Variants in WDR70 observed in about 807,000 individuals in gnomAD.
The protein encoded by WDR70 is WD repeat-containing protein 70.
Under a neutral mutation model 88.6 loss-of-function variants are expected in WDR70, and 53 were observed. That is an observed-to-expected ratio of 0.60 (90% CI 0.48 to 0.75). WDR70 has a LOEUF of 0.75. Among genes scored for constraint, WDR70 ranks in the 30% least tolerant of loss-of-function variants. The pLI is 0.00. For synonymous variants in WDR70, 280 were observed against 270.0 expected, an observed-to-expected ratio of 1.04 and a Z score of -0.36; for missense variants, 610 against 823.2, an observed-to-expected ratio of 0.74 and a Z score of 3.17.
At chr5:37,482,477 C>T (rs559015053) in intron 8 of WDR70, among the ~76,000 whole-genome samples, 2 of 152,284 alleles carry the variant, frequency 1.3e-5, no homozygotes, top group East Asian at 1.9e-4. Context: ...ATAAAACCAT[C>T]AGATCTCATG....
chr5:37,567,728 C>G (rs1241739123), intron 9 of WDR70, among the ~76,000 whole-genome samples: 1 of 151,832 alleles, frequency 6.6e-6, no homozygotes, highest in Non-Finnish European at 1.5e-5. Flanking sequence ...ATTTTTTTAA[C>G]CTTTGAAAGT....
At chr5:37,687,831 C>T in intron 10 of WDR70, 1 of 543,178 alleles carries the variant, frequency 1.8e-6, no homozygotes, top group Non-Finnish European at 3.4e-6. Context: ...GAATCCCACT[C>T]AGGGTAGTGA....
At chr5:37,656,257 G>A (rs1745551898) in intron 10 of WDR70, among the ~76,000 whole-genome samples, 1 of 152,184 alleles carries the variant, frequency 6.6e-6, no homozygotes, top group African/African-American at 2.4e-5. Flanking sequence ...GTTTGCCTGG[G>A]TATCACCAGC....
chr5:37,519,693 G>A (rs1310636509), intron 9 of WDR70, among the ~76,000 whole-genome samples: 4 of 151,842 alleles, frequency 2.6e-5, no homozygotes, highest in East Asian at 1.9e-4. Context: ...ATGGGCGGCC[G>A]GGCAGAGGCG....
intron 7 of WDR70, among the ~76,000 whole-genome samples, chr5:37,478,332 A>C (rs1739549291): frequency 6.6e-6 from 1 of 152,236 alleles, no homozygotes; most frequent in African/African-American, 2.4e-5. Context: ...TGGTTGCCCT[A>C]CTGTGGCATG....
intron 8 of WDR70, among the ~76,000 whole-genome samples, chr5:37,501,531 A>AT (rs1307109334): frequency 1.3e-5 from 2 of 152,188 alleles, no homozygotes; most frequent in Non-Finnish European, 2.9e-5. Flanking sequence ...ATCTTGTAGT[A>AT]TTTTAAGAAA....
intron 7 of WDR70, among the ~76,000 whole-genome samples, chr5:37,470,736 C>T (rs962983627): frequency 2.0e-5 from 3 of 152,014 alleles, no homozygotes; most frequent in African/African-American, 4.8e-5. Flanking sequence ...GGACATTTGA[C>T]TTATTTCTGG....
At chr5:37,536,833 A>T (rs1741679106) in intron 9 of WDR70, among the ~76,000 whole-genome samples, 1 of 152,096 alleles carries the variant, frequency 6.6e-6, no homozygotes, top group Non-Finnish European at 1.5e-5. Flanking sequence ...TTTTATGTTG[A>T]CAAGAAAATT....
intron 9 of WDR70, among the ~76,000 whole-genome samples, chr5:37,562,357 C>T (rs1371452868): frequency 1.4e-5 from 2 of 145,254 alleles, no homozygotes; most frequent in Admixed American, 6.8e-5. Flanking sequence ...CTGTGTGTCT[C>T]AAAAGAAAAA....
At chr5:37,422,640 G>T (rs1749981195) in intron 5 of WDR70, among the ~76,000 whole-genome samples, 1 of 151,964 alleles carries the variant, frequency 6.6e-6, no homozygotes, top group African/African-American at 2.4e-5. Context: ...ACCACACCCA[G>T]CTAATTTTTG....
At chr5:37,490,053 G>A (rs1740019519) in intron 8 of WDR70, among the ~76,000 whole-genome samples, 1 of 152,066 alleles carries the variant, frequency 6.6e-6, no homozygotes, top group African/African-American at 2.4e-5. Context: ...CCTTCAGATG[G>A]CGTGCTATGG....
At chr5:37,502,577 T>C (rs1369248939) in intron 8 of WDR70, among the ~76,000 whole-genome samples, 1 of 152,196 alleles carries the variant, frequency 6.6e-6, no homozygotes, top group African/African-American at 2.4e-5. Flanking sequence ...ATTCTGTTTA[T>C]GTGGTGAATT....
At chr5:37,732,697 G>T (rs967409418) in intron 17 of WDR70, among the ~76,000 whole-genome samples, 1 of 151,946 alleles carries the variant, frequency 6.6e-6, no homozygotes, top group Non-Finnish European at 1.5e-5. Flanking sequence ...TGCCTATTTG[G>T]TTTTTTCTTA....
chr5:37,722,250 T>G (rs1220960833), intron 14 of WDR70: 1 of 152,258 alleles, frequency 6.6e-6, no homozygotes, highest in Non-Finnish European at 1.5e-5. Context: ...GAAGGCACTT[T>G]CTGTGGAAGC....
chr5:37,625,477 C>T (rs1019720802), intron 10 of WDR70, among the ~76,000 whole-genome samples: 5 of 151,748 alleles, frequency 3.3e-5, no homozygotes, highest in South Asian at 4.2e-4. Flanking sequence ...ATATGTATGT[C>T]GTCTTCTATC....
intron 9 of WDR70, among the ~76,000 whole-genome samples, chr5:37,562,207 A>T (rs1406747161): frequency 6.6e-6 from 1 of 152,128 alleles, no homozygotes; most frequent in African/African-American, 2.4e-5. Context: ...AAATATAAAA[A>T]TTAGCTGGGT....
chr5:37,510,084 C>CT (rs912073694), intron 8 of WDR70, among the ~76,000 whole-genome samples: 2 of 150,590 alleles, frequency 1.3e-5, no homozygotes, highest in Non-Finnish European at 3.0e-5. Context: ...CACTCCCCCC[C>CT]CCAAAAAAAA....
At chr5:37,387,905 C>G (rs1011725734) in intron 3 of WDR70, among the ~76,000 whole-genome samples, 2 of 152,076 alleles carry the variant, frequency 1.3e-5, no homozygotes, top group Non-Finnish European at 2.9e-5. Context: ...CTTGAGGAAA[C>G]TAAGACTTTG....
chr5:37,739,490 C>A (rs16903711), intron 17 of WDR70, among the ~76,000 whole-genome samples: 10,596 of 152,172 alleles, frequency 0.07, 1,187 homozygotes, highest in African/African-American at 0.23. Flanking sequence ...CTAGAAGACA[C>A]AGAATGGGTA....
Sources: allele counts gnomAD v4.1 joint callset (sites outside exome capture counted in the v4.1 genomes callset), GRCh38; gene constraint gnomAD v4.1.1; transcripts MANE v1.5; gene names NCBI Gene and HGNC (gene_info 2026-07-23, HGNC 2026-07-21).